ELAPOR2: variants seen among roughly 807,000 people sequenced by gnomAD.
ELAPOR2 encodes endosome-lysosome associated apoptosis and autophagy regulator family member 2.
A neutral mutation model predicts 120.7 loss-of-function variants in ELAPOR2; 89 were observed. The observed-to-expected ratio is 0.74, with a 90% confidence interval of 0.62 to 0.88. The LOEUF is 0.88. Ranked by LOEUF, ELAPOR2 falls within the 40% of genes least tolerant of loss-of-function variation. The pLI is 0.00. For synonymous variants in ELAPOR2, 444 were observed against 444.9 expected, an observed-to-expected ratio of 1.00 and a Z score of 0.03; for missense variants, 1,134 against 1,251.6, an observed-to-expected ratio of 0.91 and a Z score of 1.42.
intron 2 of ELAPOR2, among the ~76,000 whole-genome samples, chr7:86,951,782 A>T (rs1791258479): frequency 6.6e-6 from 1 of 152,190 alleles, no homozygotes; most frequent in Non-Finnish European, 1.5e-5. Flanking sequence ...GTTTAAGTGT[A>T]TTTCTTTTTA....
intron 2 of ELAPOR2, among the ~76,000 whole-genome samples, chr7:86,959,388 C>T (rs1791610893): frequency 6.6e-6 from 1 of 152,104 alleles, no homozygotes; most frequent in African/African-American, 2.4e-5. Flanking sequence ...TGAACGGGAT[C>T]CTTGCCTTAT....
intron 9 of ELAPOR2, among the ~76,000 whole-genome samples, chr7:86,926,342 C>G (rs1483802613): frequency 6.6e-6 from 1 of 151,924 alleles, no homozygotes; most frequent in East Asian, 1.9e-4. Flanking sequence ...AAAAGTACTA[C>G]AGAAGGCATG....
chr7:87,058,265 A>G (rs993062734), intron 1 of ELAPOR2, among the ~76,000 whole-genome samples: 2 of 152,236 alleles, frequency 1.3e-5, no homozygotes, highest in Non-Finnish European at 2.9e-5. Flanking sequence ...AGCAACATAC[A>G]CAAACAAGAG....
chr7:86,883,618 GAGTAA>G (rs1263624674), intron 21 of ELAPOR2, among the ~76,000 whole-genome samples: 10 of 152,232 alleles, frequency 6.6e-5, no homozygotes, highest in African/African-American at 2.4e-4. Context: ...ATATCTTTCT[GAGTAA>G]AGTAAAATGT....
rs1461928095 is a variant in ELAPOR2, at chr7:86,942,048, A to G, written c.711T>C (p.Leu237=). 17 of 1,549,256 alleles carry G rather than the reference A, an allele frequency of 1.1e-5. No homozygotes were observed. Among genetic ancestry groups the G allele is most frequent in the Non-Finnish European group, 1.5e-5 (17 of 1,145,038 alleles). The change falls in exon 5 of 22, where the codon CTT becomes CTC. Residue 237 remains leucine, a synonymous_variant. Transcript: ENST00000450689. The stretch of plus-strand genomic sequence containing the variant: ...GAGAGCCCCATTCTCCATTGTCTGT[A>G]AGTTTTACCCACTTGTCAGTGGTGG... ...MDTTTDKWVK[L]TDNGEWGSHS...
At chr7:86,888,546 C>T (rs1389548984) in intron 21 of ELAPOR2, among the ~76,000 whole-genome samples, 13 of 152,142 alleles carry the variant, frequency 8.5e-5, no homozygotes, top group Non-Finnish European at 1.9e-4. Context: ...ATGCTCTCAT[C>T]ACAATTCATT....
chr7:87,024,054 T>C (rs1794157095), intron 1 of ELAPOR2, among the ~76,000 whole-genome samples: 1 of 152,176 alleles, frequency 6.6e-6, no homozygotes, highest in South Asian at 2.1e-4. Flanking sequence ...GAATACCCTT[T>C]ATTTCCTTCT....
intron 1 of ELAPOR2, among the ~76,000 whole-genome samples, chr7:87,047,803 C>T (rs1286648843): frequency 6.6e-6 from 1 of 152,136 alleles, no homozygotes; most frequent in Non-Finnish European, 1.5e-5. Flanking sequence ...CCACATAAAC[C>T]AGCAATCCCA....
intron 2 of ELAPOR2, among the ~76,000 whole-genome samples, chr7:86,948,314 C>A (rs1181031612): frequency 1.3e-5 from 2 of 152,166 alleles, no homozygotes; most frequent in African/African-American, 2.4e-5. Flanking sequence ...GTCAGTTGTA[C>A]CTCCCTTTAT....
intron 1 of ELAPOR2, among the ~76,000 whole-genome samples, chr7:87,003,382 G>T (rs1793378072): frequency 6.6e-6 from 1 of 152,056 alleles, no homozygotes; most frequent in Non-Finnish European, 1.5e-5. Context: ...CCCCAGTGTT[G>T]GGGGAGGGTA....
In ELAPOR2 at chr7:86,914,621, G is replaced by T; in HGVS notation, c.1731+102C>A. Reference sequence around the variant, plus strand: ...TTATTCATTCCATATTTTTTAAAAAGCAGTCCTTTCTTCCAAATTTGAGTT... The same window carrying T: ...TTATTCATTCCATATTTTTTAAAAATCAGTCCTTTCTTCCAAATTTGAGTT... On this transcript the variant is annotated intron_variant, in intron 13 of 21. Coordinates refer to ENST00000450689, the MANE Select transcript of ELAPOR2 (RefSeq NM_001142749.3). 3 of 907,568 alleles carry T rather than the reference G, an allele frequency of 3.3e-6. No individual in the cohort carries two copies. In the South Asian group the frequency reaches 7.2e-5, roughly 22 times the overall value. The allele number at this position is 907,568 out of a possible 1,614,324, so 56.2% of individuals were successfully genotyped here.
chr7:86,965,102 C>T, intron 1 of ELAPOR2, 78 bp from the exon 2 acceptor site: 1 of 1,464,316 alleles, frequency 6.8e-7, no homozygotes, highest in Non-Finnish European at 9.3e-7. Flanking sequence ...TCACCCCAAG[C>T]CCCTGTTTCC....
At chr7:87,023,815 T>C (rs571383398) in intron 1 of ELAPOR2, among the ~76,000 whole-genome samples, 19 of 152,248 alleles carry the variant, frequency 1.2e-4, no homozygotes, top group East Asian at 3.9e-4. Flanking sequence ...GTATTTTATT[T>C]GCTTTGAAGC....
rs1385111301 is a variant in ELAPOR2, at chr7:86,924,400, C to T, written c.1399+1128G>A. On this transcript the variant is annotated intron_variant, in intron 10 of 21. Coordinates refer to ENST00000450689, the MANE Select transcript of ELAPOR2 (RefSeq NM_001142749.3). ...ACACACACACACACACACACACACA[C>T]ACACACAAATGTATTAGTCCTTTTA... Among the ~76,000 whole-genome samples, 6 of 151,226 alleles carry T rather than the reference C, an allele frequency of 4.0e-5. No individual in the cohort carries two copies. The East Asian group carries it at 1.2e-3, about 29-fold the overall frequency.
chr7:86,901,857 G>C (rs1788741948), intron 18 of ELAPOR2, among the ~76,000 whole-genome samples: 1 of 152,160 alleles, frequency 6.6e-6, no homozygotes, highest in Non-Finnish European at 1.5e-5. Flanking sequence ...TCTCTGCTGA[G>C]GATGGCTTGT....
chr7:87,030,670 C>T (rs1193403596), intron 1 of ELAPOR2, among the ~76,000 whole-genome samples: 1 of 152,156 alleles, frequency 6.6e-6, no homozygotes, highest in Non-Finnish European at 1.5e-5. Flanking sequence ...AGTCTCAAAT[C>T]ACAGTAGCTG....
intron 21 of ELAPOR2, among the ~76,000 whole-genome samples, chr7:86,890,629 T>C (rs1017895528): frequency 2.0e-5 from 3 of 152,084 alleles, no homozygotes; most frequent in African/African-American, 4.8e-5. Flanking sequence ...GACATGACTC[T>C]CATGTCTTCT....
chr7:86,892,076 A>T (rs1788193463), intron 20 of ELAPOR2, among the ~76,000 whole-genome samples, 187 bp from the exon 21 acceptor site: 1 of 152,036 alleles, frequency 6.6e-6, no homozygotes. Context: ...TTTACAAAGA[A>T]ATATTTCCCA....
intron 1 of ELAPOR2, among the ~76,000 whole-genome samples, chr7:87,030,605 C>T (rs777228119): frequency 1.3e-5 from 2 of 152,144 alleles, no homozygotes; most frequent in Non-Finnish European, 2.9e-5. Context: ...TATAACCTAA[C>T]TTGTGTAAAC....
Sources: gnomAD v4.1 joint callset for allele counts (sites outside exome capture counted in the v4.1 genomes callset) on GRCh38, gnomAD v4.1.1 for gene constraint, MANE v1.5 for transcripts, NCBI Gene and HGNC (gene_info 2026-07-23, HGNC 2026-07-21) for gene names.